PLEKHH2: variants seen among roughly 807,000 people sequenced by gnomAD.
PLEKHH2 encodes pleckstrin homology, MyTH4 and FERM domain containing H2.
Under a neutral mutation model 187.9 loss-of-function variants are expected in PLEKHH2, and 129 were observed. The observed-to-expected ratio is 0.69, with a 90% CI of 0.59 to 0.79. The LOEUF (loss-of-function observed/expected upper bound fraction) is 0.79. PLEKHH2 is among the 30% of genes least tolerant of loss of function. PLEKHH2 has a pLI of 0.00. For missense variants in PLEKHH2, 2,076 were observed against 1,751.2 expected, an observed-to-expected ratio of 1.19 and a Z score of -3.31; for synonymous variants, 686 against 605.6, an observed-to-expected ratio of 1.13 and a Z score of -1.95.
At chr2:43,707,574 A>C in intron 11 of PLEKHH2, 29 bp downstream of exon 11, 2 of 1,612,554 alleles carry the variant, frequency 1.2e-6, no homozygotes, top group Non-Finnish European at 1.7e-6. Context: ...CATATGAGGC[A>C]ACTCCAGATC....
At position 43,710,375 on chromosome 2, in the gene PLEKHH2, A is replaced by C. The variant is rs762755317; in HGVS notation, c.2214+45A>C. On this transcript the variant is annotated intron_variant, in intron 13 of 29. Coordinates refer to ENST00000282406, the MANE Select transcript of PLEKHH2 (RefSeq NM_172069.4). ...TGTTTAGAACGTAATTCCTCAAACT[A>C]TAAATCAGACGCCTGATTGATTTCC... The C allele has an allele frequency of 4.4e-6, 7 of 1,595,640 alleles. No individual in the cohort carries two copies. The Admixed American group carries it at 1.0e-4, about 23-fold the overall frequency.
chr2:43,734,258 C>A (rs1007303458), intron 19 of PLEKHH2, among the ~76,000 whole-genome samples: 2 of 152,096 alleles, frequency 1.3e-5, no homozygotes, highest in African/African-American at 4.8e-5. Context: ...TTGAAGCAAT[C>A]CTCAGTCATT....
At chr2:43,698,606 A>T (rs1485868043) in intron 7 of PLEKHH2, among the ~76,000 whole-genome samples, 1 of 151,734 alleles carries the variant, frequency 6.6e-6, no homozygotes, top group African/African-American at 2.4e-5. Flanking sequence ...CCCTTTTTCT[A>T]ATAGTGGAGT....
chr2:43,669,459 A>G (rs1397499260), intron 2 of PLEKHH2, among the ~76,000 whole-genome samples: 1 of 152,202 alleles, frequency 6.6e-6, no homozygotes, highest in African/African-American at 2.4e-5. Context: ...ATTTTATGGC[A>G]TGTGTATTAT....
chr2:43,669,702 G>T (rs11124946), intron 2 of PLEKHH2, among the ~76,000 whole-genome samples: 7 of 151,782 alleles, frequency 4.6e-5, no homozygotes, highest in African/African-American at 1.7e-4. Context: ...AAGGTGAAAA[G>T]GAAGAAACTT....
chr2:43,704,018 G>C lies in PLEKHH2; in HGVS notation c.1688G>C (p.Arg563Pro). 2 of 1,587,496 alleles carry C rather than the reference G, an allele frequency of 1.3e-6. No individual in the cohort carries two copies. The highest frequency in any genetic ancestry group is 1.7e-6 in the Non-Finnish European group (2 of 1,168,182). ...TATGCTGTAGCCAAATCAGGTATTC[G>C]AATGTCTGAGGCCTTCAATATGGAG... is the stretch of plus-strand genomic sequence containing the variant. ...RIYAVAKSGI[R>P]MSEAFNMESV... Residue 563 changes from arginine (R) to proline (P), a missense_variant, in exon 9 of 30, where the codon CGA becomes CCA. Arg to Pro is a moderately radical substitution (Grantham distance 103, BLOSUM62 -2). Transcript: ENST00000282406.
chr2:43,756,061 C>T (rs530951667), intron 25 of PLEKHH2, among the ~76,000 whole-genome samples: 5 of 152,248 alleles, frequency 3.3e-5, no homozygotes, highest in South Asian at 4.2e-4. Flanking sequence ...CCTCAACATT[C>T]CCTTAATACT....
At chr2:43,732,707 T>C (rs1159687245) in intron 19 of PLEKHH2, among the ~76,000 whole-genome samples, 1 of 152,240 alleles carries the variant, frequency 6.6e-6, no homozygotes, top group Non-Finnish European at 1.5e-5. Context: ...TTTAAGATCA[T>C]GATAACTGCG....
intron 3 of PLEKHH2, among the ~76,000 whole-genome samples, chr2:43,685,894 C>G (rs183778955): frequency 1.3e-5 from 2 of 152,228 alleles, no homozygotes; most frequent in Non-Finnish European, 2.9e-5. Context: ...TCCCAAGTAT[C>G]TAATTAGGTG....
At chr2:43,676,318 A>G (rs1170670242) in intron 2 of PLEKHH2, 2 of 1,603,346 alleles carry the variant, frequency 1.2e-6, no homozygotes, top group Admixed American at 3.4e-5. Flanking sequence ...ACTAGCGGAA[A>G]CCATTTTCCA....
Position 43,699,697 on chromosome 2 carries a change from A to G in PLEKHH2, c.739A>G (p.Arg247Gly), listed in dbSNP as rs1669257877. Residue 247 changes from arginine (R) to glycine (G), a missense_variant, in exon 8 of 30, where the codon AGA (arginine) becomes GGA (glycine). Coordinates refer to ENST00000282406, the MANE Select transcript of PLEKHH2 (RefSeq NM_172069.4). ...SVDNQVLENNRGQRTLHQTPC... is the reference protein window; with the variant it reads ...SVDNQVLENNGGQRTLHQTPC... ...TGATAACCAAGTTCTAGAAAACAAC[A>G]GAGGCCAGAGAACATTGCATCAAAC... The G allele has an allele frequency of 1.2e-6, 2 of 1,614,184 alleles. No homozygotes were observed. Among genetic ancestry groups the G allele is most frequent in the Non-Finnish European group, 1.7e-6 (2 of 1,179,990 alleles).
At chr2:43,685,234 A>G (rs1668443789) in intron 3 of PLEKHH2, among the ~76,000 whole-genome samples, 1 of 152,242 alleles carries the variant, frequency 6.6e-6, no homozygotes, top group Non-Finnish European at 1.5e-5. Flanking sequence ...TTTTGCCACT[A>G]AAAGCAGTAC....
intron 17 of PLEKHH2, among the ~76,000 whole-genome samples, chr2:43,729,412 T>C (rs552572524): frequency 9.2e-4 from 140 of 152,350 alleles, no homozygotes; most frequent in Admixed American, 3.9e-3. Context: ...TTTTCTAAAA[T>C]GCATCTGAAT....
At chr2:43,707,592 A>G (rs758069069) in intron 11 of PLEKHH2, 47 bp downstream of exon 11, 1 of 1,595,698 alleles carries the variant, frequency 6.3e-7, no homozygotes. Flanking sequence ...ATCATTCTGA[A>G]TATTAATTGG....
chr2:43,757,567 C>A (rs1051073091), intron 26 of PLEKHH2, among the ~76,000 whole-genome samples: 2 of 151,764 alleles, frequency 1.3e-5, no homozygotes. Flanking sequence ...TACAGGCGCC[C>A]GCCACCACAC....
At chr2:43,675,902 C>G (rs769651327) in intron 2 of PLEKHH2, 1 of 1,613,958 alleles carries the variant, frequency 6.2e-7, no homozygotes, top group Non-Finnish European at 8.5e-7. Flanking sequence ...GTGGGAAGTG[C>G]AAGGAAGAAC....
chr2:43,742,593 C>G, intron 21 of PLEKHH2, 148 bp from the exon 22 acceptor site: 1 of 510,750 alleles, frequency 2.0e-6, no homozygotes, highest in Admixed American at 4.3e-5. Context: ...AAAGTTACAG[C>G]AGTTTAGTAT....
At chr2:43,720,405 G>T (rs182898117) in intron 15 of PLEKHH2, among the ~76,000 whole-genome samples, 2 of 152,092 alleles carry the variant, frequency 1.3e-5, no homozygotes, top group East Asian at 3.9e-4. Flanking sequence ...AGTGAGCATA[G>T]TACCCGATAG....
chr2:43,696,305 G>A (rs889762741), intron 6 of PLEKHH2, among the ~76,000 whole-genome samples: 10 of 151,744 alleles, frequency 6.6e-5, no homozygotes, highest in Non-Finnish European at 1.2e-4. Context: ...AGACCCCATC[G>A]CTACAAAAAA....
Sources: gnomAD v4.1 joint callset for allele counts (sites outside exome capture counted in the v4.1 genomes callset) on GRCh38, gnomAD v4.1.1 for gene constraint, MANE v1.5 for transcripts, NCBI Gene and HGNC (gene_info 2026-07-23, HGNC 2026-07-21) for gene names.